Variants in COX10 observed in about 807,000 individuals in gnomAD.
COX10 encodes the protein protoheme IX farnesyltransferase, mitochondrial.
A neutral mutation model predicts 37.3 loss-of-function variants in COX10; 27 were observed. The observed-to-expected ratio is 0.72, with a 90% confidence interval of 0.53 to 1.00. The LOEUF is 1.00. Ranked by LOEUF, COX10 falls within the 50% of genes least tolerant of loss-of-function variation. COX10 has a pLI of 0.00. For synonymous variants in COX10, 222 were observed against 229.1 expected, an observed-to-expected ratio of 0.97 and a Z score of 0.28; for missense variants, 475 against 563.2, an observed-to-expected ratio of 0.84 and a Z score of 1.59.
chr17:14,168,120 C>G (rs1451414685), intron 5 of COX10, among the ~76,000 whole-genome samples: 1 of 152,226 alleles, frequency 6.6e-6, no homozygotes, highest in African/African-American at 2.4e-5. Flanking sequence ...TGCTCCCATT[C>G]CAAGTGGGAG....
At chr17:14,150,547 C>T (rs191666970) in intron 4 of COX10, among the ~76,000 whole-genome samples, 355 of 152,212 alleles carry the variant, frequency 2.3e-3, no homozygotes, top group African/African-American at 8.3e-3. Context: ...GTAACCTGAC[C>T]ATTGGAATTA....
At chr17:14,083,501 TC>T (rs978234502) in intron 3 of COX10, among the ~76,000 whole-genome samples, 14 of 152,202 alleles carry the variant, frequency 9.2e-5, no homozygotes, top group Non-Finnish European at 1.8e-4. Context: ...TTTCTTTCTT[TC>T]CCTCCTTTTG....
chr17:14,172,658 C>T (rs1333337893), intron 5 of COX10, among the ~76,000 whole-genome samples: 1 of 149,384 alleles, frequency 6.7e-6, no homozygotes, highest in Non-Finnish European at 1.5e-5. Context: ...TGGCTCACTG[C>T]ACCCTTAACC....
Position 14,096,819 on chromosome 17 carries a change from T to C in COX10, c.500-5299T>C, listed in dbSNP as rs538357813. Among the ~76,000 whole-genome samples, 43 of 152,252 alleles carry C rather than the reference T, an allele frequency of 2.8e-4. 1 individual carries two copies. The South Asian group carries it at 3.1e-3, about 11-fold the overall frequency. On this transcript the variant is annotated intron_variant, in intron 3 of 6. Coordinates refer to ENST00000261643, the MANE Select transcript of COX10 (RefSeq NM_001303.4). ...ATTGGACCTAGTAGTCAGGACCATC[T>C]TTAGTGAGGGCTGCTACTGGATCTC...
At chr17:14,179,574 G>T (rs540812678) in intron 5 of COX10, among the ~76,000 whole-genome samples, 1 of 152,114 alleles carries the variant, frequency 6.6e-6, no homozygotes, top group Non-Finnish European at 1.5e-5. Context: ...TGAATAGATC[G>T]GTACAAACAA....
intron 4 of COX10, among the ~76,000 whole-genome samples, chr17:14,103,907 C>G (rs1419502702): frequency 6.6e-6 from 1 of 152,174 alleles, no homozygotes; most frequent in Non-Finnish European, 1.5e-5. Flanking sequence ...GGGGGAAAGC[C>G]ACAGAATGCA....
chr17:14,166,785 C>CTTTATTTT (rs1905299526), intron 5 of COX10, among the ~76,000 whole-genome samples: 1 of 100,260 alleles, frequency 1.0e-5, no homozygotes, highest in African/African-American at 3.7e-5. Flanking sequence ...CTATTTCTTT[C>CTTTATTTT]TTTTTTTTTT....
At chr17:14,149,568 G>C (rs905957391) in intron 4 of COX10, among the ~76,000 whole-genome samples, 1 of 152,124 alleles carries the variant, frequency 6.6e-6, no homozygotes, top group Non-Finnish European at 1.5e-5. Flanking sequence ...ATTCATGGCC[G>C]TGATGGTTCT....
chr17:14,125,870 TGAG>T (rs1042239683), intron 4 of COX10, among the ~76,000 whole-genome samples: 5 of 152,138 alleles, frequency 3.3e-5, no homozygotes, highest in Admixed American at 6.6e-5. Context: ...GTTCTGTGGG[TGAG>T]GAGGAGAACT....
At chr17:14,144,828 C>A (rs754545519) in intron 4 of COX10, among the ~76,000 whole-genome samples, 1 of 151,912 alleles carries the variant, frequency 6.6e-6, no homozygotes, top group Non-Finnish European at 1.5e-5. Flanking sequence ...TTCTCTCTCC[C>A]AAATGCTAAC....
At position 14,194,419 on chromosome 17, in the gene COX10, A is replaced by G. The variant is rs562347688; in HGVS notation, c.928+2198A>G. ...GGATTTGGCTAAACTGCTAATAGTCATGTTTAAAATAATTTTTTTTCTTTT... is the reference window on the plus strand; with the variant it reads ...GGATTTGGCTAAACTGCTAATAGTCGTGTTTAAAATAATTTTTTTTCTTTT... On this transcript the variant is annotated intron_variant, in intron 6 of 6. Transcript: ENST00000261643. Among the ~76,000 whole-genome samples the G allele has an allele frequency of 4.4e-3, 665 of 152,326 alleles. 4 individuals are homozygous for G. The highest frequency in any genetic ancestry group is 0.014 in the Middle Eastern group (4 of 294).
At chr17:14,197,301 G>T (rs781079550) in intron 6 of COX10, among the ~76,000 whole-genome samples, 2 of 152,164 alleles carry the variant, frequency 1.3e-5, no homozygotes, top group Non-Finnish European at 2.9e-5. Context: ...TGTGCTTTTT[G>T]TGGTGGCTAC....
intron 6 of COX10, among the ~76,000 whole-genome samples, chr17:14,204,693 C>T (rs981182333): frequency 6.6e-6 from 1 of 152,106 alleles, no homozygotes; most frequent in African/African-American, 2.4e-5. Flanking sequence ...CCCCTCCCCT[C>T]ACCCCCTACA....
intron 1 of COX10, 56 bp downstream of exon 1, chr17:14,069,704 T>G (rs1003510840): frequency 6.2e-6 from 10 of 1,605,594 alleles, no homozygotes; most frequent in Admixed American, 1.7e-5. Context: ...TATTACCACG[T>G]GCGAGGCCGT....
At chr17:14,073,731 G>C (rs1303833634) in intron 1 of COX10, among the ~76,000 whole-genome samples, 4 of 152,152 alleles carry the variant, frequency 2.6e-5, no homozygotes, top group African/African-American at 9.7e-5. Context: ...CTTGTCGGAG[G>C]CTTGAGTAGG....
chr17:14,085,855 T>G (rs1271089673), intron 3 of COX10, among the ~76,000 whole-genome samples: 4 of 152,210 alleles, frequency 2.6e-5, no homozygotes, highest in Non-Finnish European at 4.4e-5. Context: ...TCTTCACCAA[T>G]GAATGCTTGA....
intron 4 of COX10, among the ~76,000 whole-genome samples, chr17:14,148,427 T>C (rs1473086016): frequency 6.6e-6 from 1 of 152,226 alleles, no homozygotes; most frequent in African/African-American, 2.4e-5. Flanking sequence ...TGCTTTATTT[T>C]TTTTGTTTTT....
At chr17:14,075,720 G>A (rs979459122) in intron 2 of COX10, among the ~76,000 whole-genome samples, 2 of 152,108 alleles carry the variant, frequency 1.3e-5, no homozygotes, top group Non-Finnish European at 2.9e-5. Context: ...GCCAGGCGCT[G>A]TGGCTCACAC....
intron 3 of COX10, among the ~76,000 whole-genome samples, chr17:14,100,332 C>T (rs1442695067): frequency 6.6e-6 from 1 of 152,172 alleles, no homozygotes; most frequent in East Asian, 1.9e-4. Context: ...CCCCCAAATA[C>T]AGCAGTGAAC....
Sources: allele counts gnomAD v4.1 joint callset (sites outside exome capture counted in the v4.1 genomes callset), GRCh38; gene constraint gnomAD v4.1.1; transcripts MANE v1.5; gene names NCBI Gene and HGNC (gene_info 2026-07-23, HGNC 2026-07-21).